Variants in CHCHD3 observed in about 807,000 individuals in gnomAD.
CHCHD3 encodes the protein coiled-coil-helix-coiled-coil-helix domain containing 3, also known as MICOS complex subunit MIC19.
CHCHD3 carries 20 observed loss-of-function variants against 38.2 expected under a neutral mutation model. The observed-to-expected ratio is 0.52, with a 90% CI of 0.37 to 0.76. The LOEUF (loss-of-function observed/expected upper bound fraction) is 0.76, where lower values mean the gene tolerates loss of function less well. CHCHD3 is among the 30% of genes least tolerant of loss of function. The pLI, the probability that CHCHD3 is intolerant of heterozygous loss-of-function variation, is 0.00. For missense variants in CHCHD3, 245 were observed against 279.2 expected (o/e 0.88, Z 0.87); for synonymous variants, 82 against 100.0 (o/e 0.82, Z 1.07).
intron 5 of CHCHD3, among the ~76,000 whole-genome samples, chr7:132,874,256 C>T (rs940727658): frequency 2.0e-5 from 3 of 152,138 alleles, no homozygotes; most frequent in East Asian, 1.9e-4. Context: ...CAGTTCTAAA[C>T]GTTTTACGAA....
intron 3 of CHCHD3, among the ~76,000 whole-genome samples, chr7:132,989,853 C>A (rs778175801): frequency 6.6e-6 from 1 of 152,072 alleles, no homozygotes; most frequent in African/African-American, 2.4e-5. Flanking sequence ...CATCTTAAAC[C>A]GAGATCATCA....
intron 4 of CHCHD3, 104 bp downstream of exon 4, chr7:132,975,065 T>C (rs1426345425): frequency 6.8e-6 from 6 of 877,422 alleles, no homozygotes; most frequent in Non-Finnish European, 1.1e-5. Context: ...AGAACATGAA[T>C]AATATTATCA....
intron 5 of CHCHD3, among the ~76,000 whole-genome samples, chr7:132,853,813 A>G (rs1219020006): frequency 6.6e-6 from 1 of 152,168 alleles, no homozygotes; most frequent in Non-Finnish European, 1.5e-5. Context: ...GATGAATTGT[A>G]TTATATTCTA....
intron 3 of CHCHD3, among the ~76,000 whole-genome samples, chr7:132,984,708 G>A (rs1262492168): frequency 7.6e-4 from 113 of 148,374 alleles, no homozygotes; most frequent in African/African-American, 2.6e-3. Context: ...GTCTCTGCCC[G>A]GCCGCTCCGT....
chr7:132,878,403 AC>A (rs1808967979), intron 5 of CHCHD3, among the ~76,000 whole-genome samples: 2 of 152,194 alleles, frequency 1.3e-5, no homozygotes, highest in Non-Finnish European at 2.9e-5. Context: ...TGAGCCCAAC[AC>A]TTTATGATGC....
chr7:132,874,481 A>G lies in CHCHD3; in HGVS notation c.453+11181T>C, dbSNP rs150001741. ...CTCTTTCACTTGCTCCTTCAGCACC[A>G]TATCTTGGCAACACTTGCGGGAAGA... On this transcript the variant is annotated intron_variant, in intron 5 of 7. Coordinates refer to ENST00000262570, the MANE Select transcript of CHCHD3 (RefSeq NM_017812.4). 1.3e-4 allele frequency among the ~76,000 whole-genome samples: 20 copies of G among 152,332 alleles called. No homozygotes were observed. In the East Asian group the frequency reaches 3.7e-3, roughly 28 times the overall value.
rs1000584626 is a variant in CHCHD3 at position 132,807,642 on chromosome 7, T to C, written c.525-11065A>G. The stretch of plus-strand genomic sequence containing the variant: ...ATATATATATATATATATATATATA[T>C]ATACTTGACATAAATACCTACACTT... On this transcript the variant is annotated intron_variant, in intron 6 of 7. Transcript: ENST00000262570. Among the ~76,000 whole-genome samples, 31 of 116,300 alleles carry C rather than the reference T, an allele frequency of 2.7e-4. 1 individual carries two copies. Among genetic ancestry groups the C allele is most frequent in the South Asian group, 1.5e-3 (5 of 3,420 alleles). The allele number at this position is 116,300 out of a possible 152,430, so 76.3% of individuals were successfully genotyped here.
chr7:132,804,872 A>C (rs1369015419), intron 6 of CHCHD3, among the ~76,000 whole-genome samples: 1 of 152,220 alleles, frequency 6.6e-6, no homozygotes, highest in Admixed American at 6.5e-5. Context: ...TAAGTGTCAG[A>C]GTGCTAAAAA....
intron 2 of CHCHD3, among the ~76,000 whole-genome samples, chr7:133,067,228 G>A (rs1275311884): frequency 6.6e-6 from 1 of 152,080 alleles, no homozygotes; most frequent in Non-Finnish European, 1.5e-5. Context: ...TCAGTATATT[G>A]AATCATCATG....
At chr7:133,023,923 C>T (rs1813261274) in intron 3 of CHCHD3, among the ~76,000 whole-genome samples, 1 of 152,044 alleles carries the variant, frequency 6.6e-6, no homozygotes, top group Non-Finnish European at 1.5e-5. Context: ...TACAAAAACA[C>T]TTCAATGAAC....
intron 5 of CHCHD3, among the ~76,000 whole-genome samples, chr7:132,852,272 C>CTGG (rs1808237796): frequency 6.6e-6 from 1 of 152,108 alleles, no homozygotes; most frequent in Non-Finnish European, 1.5e-5. Context: ...AGGGGTAAGT[C>CTGG]CTAGGAATGG....
intron 6 of CHCHD3, among the ~76,000 whole-genome samples, chr7:132,808,219 G>A (rs1480335051): frequency 6.6e-6 from 1 of 152,182 alleles, no homozygotes; most frequent in Non-Finnish European, 1.5e-5. Context: ...GCCATTGGGT[G>A]TGAGGTGTAA....
intron 4 of CHCHD3, among the ~76,000 whole-genome samples, chr7:132,936,740 CT>C (rs1233770827): frequency 6.6e-6 from 1 of 152,188 alleles, no homozygotes; most frequent in Non-Finnish European, 1.5e-5. Flanking sequence ...ACTATATTTG[CT>C]TCTCCAACTG....
Position 132,872,442 on chromosome 7 carries a change from G to A in CHCHD3, c.453+13220C>T, listed in dbSNP as rs534601953. Among the ~76,000 whole-genome samples the A allele has an allele frequency of 5.9e-5, 9 of 152,234 alleles. No homozygotes were observed. In the South Asian group the frequency reaches 1.7e-3, roughly 28 times the overall value. On this transcript the variant is annotated intron_variant, in intron 5 of 7. Coordinates refer to ENST00000262570, the MANE Select transcript of CHCHD3 (RefSeq NM_017812.4). ...CCTTTACCTGGGCTGATTTGGCTTC[G>A]CTTGTGACTTCAATTTCTGGTTATA...
At chr7:132,882,482 TATATATATATATATA>T (rs1809090138) in intron 5 of CHCHD3, among the ~76,000 whole-genome samples, 1 of 86,984 alleles carries the variant, frequency 1.1e-5, no homozygotes, top group Admixed American at 1.1e-4. Flanking sequence ...TATATATATA[TATATATATATATATA>T]TATTCACAAT....
At chr7:132,836,910 A>G (rs1425345269) in intron 6 of CHCHD3, among the ~76,000 whole-genome samples, 1 of 152,198 alleles carries the variant, frequency 6.6e-6, no homozygotes, top group Non-Finnish European at 1.5e-5. Flanking sequence ...TCATTGCTCA[A>G]TGAAGACCAA....
chr7:132,916,429 T>C (rs140578746), intron 4 of CHCHD3, among the ~76,000 whole-genome samples: 1 of 152,322 alleles, frequency 6.6e-6, no homozygotes, highest in East Asian at 1.9e-4. Context: ...ATTACAGTAG[T>C]TCCCCCTTTA....
At chr7:132,883,656 C>T (rs1174993512) in intron 5 of CHCHD3, among the ~76,000 whole-genome samples, 1 of 152,210 alleles carries the variant, frequency 6.6e-6, no homozygotes, top group Non-Finnish European at 1.5e-5. Context: ...TTACAGTTGG[C>T]TTTCTCTGAT....
Position 132,838,434 on chromosome 7 carries a change from A to G in CHCHD3, c.489T>C (p.Tyr163=), listed in dbSNP as rs753660298. The G allele has an allele frequency of 4.3e-6, 7 of 1,612,934 alleles. No homozygotes were observed. Among genetic ancestry groups the G allele is most frequent in the Non-Finnish European group, 5.9e-6 (7 of 1,179,360 alleles). The change falls in exon 6 of 8, where the codon TAT becomes TAC. Residue 163 remains tyrosine, a synonymous_variant. Transcript: ENST00000262570. The part of the protein sequence containing the change: ...SEFYRVTTEQ[Y]QKAAEEVEAK... The stretch of plus-strand genomic sequence containing the variant: ...CTTCCACCTCTTCAGCAGCTTTCTG[A>G]TATTGTTCAGTGGTGACTCTGTAGA...
Sources: gnomAD v4.1 joint callset for allele counts (sites outside exome capture counted in the v4.1 genomes callset) on GRCh38, gnomAD v4.1.1 for gene constraint, MANE v1.5 for transcripts, NCBI Gene and HGNC (gene_info 2026-07-23, HGNC 2026-07-21) for gene names.